Variants in WNT9B observed in about 807,000 individuals in gnomAD.
The protein encoded by WNT9B is Wnt family member 9B.
WNT9B carries 12 observed loss-of-function variants against 30.2 expected under a neutral mutation model. The ratio of observed to expected loss-of-function variants is 0.40; its 90% CI spans 0.26 to 0.64. WNT9B has a LOEUF of 0.64. WNT9B is among the 30% of genes least tolerant of loss of function. The pLI is 0.42. For missense variants in WNT9B, 442 were observed against 485.2 expected (o/e 0.91, Z 0.84); for synonymous variants, 218 against 216.9 (o/e 1.01, Z -0.05).
At chr17:46,871,472 C>T (rs1194539479) in intron 1 of WNT9B, among the ~76,000 whole-genome samples, 1 of 152,110 alleles carries the variant, frequency 6.6e-6, no homozygotes, top group African/African-American at 2.4e-5. Context: ...TTTGTTTCCT[C>T]ATCTGGACAA....
chr17:46,845,462 G>A (rs1180925443), intron 1 of WNT9B, among the ~76,000 whole-genome samples: 1 of 151,716 alleles, frequency 6.6e-6, no homozygotes, highest in Non-Finnish European at 1.5e-5. Context: ...CGACTTACAG[G>A]GACAATGGAG....
Position 46,851,638 on chromosome 17 carries a change from C to T in WNT9B, c.-1C>T. 1 of 1,275,108 alleles carries T rather than the reference C, an allele frequency of 7.8e-7. No individual in the cohort carries two copies. The highest frequency in any genetic ancestry group is 1.6e-5 in the African/African-American group (1 of 64,116). The allele number at this position is 1,275,108 out of a possible 1,614,324, so 79.0% of individuals were successfully genotyped here. ...CTAGAGGGCGCAGCGCCGCCAGCAC[C>T]ATGCGCCCCCCGCCCGCGCTGGCCC... is the stretch of plus-strand genomic sequence containing the variant. On this transcript the variant is annotated 5_prime_UTR_variant, in exon 1 of 4. Transcript: ENST00000290015. This position sits in a 1 kb window ranked among gnomAD's most constrained non-coding sequence, Gnocchi z 4.3.
intron 1 of WNT9B, among the ~76,000 whole-genome samples, chr17:46,834,188 C>G (rs1196178807): frequency 6.6e-6 from 1 of 152,096 alleles, no homozygotes; most frequent in African/African-American, 2.4e-5. Flanking sequence ...GAGTGAGACC[C>G]TGTTTCAAAA....
chr17:46,872,812 A>G (rs1348884742), intron 2 of WNT9B, 39 bp downstream of exon 2: 1 of 1,490,452 alleles, frequency 6.7e-7, no homozygotes, highest in South Asian at 1.2e-5. Context: ...GGCTGGGGGA[A>G]GAAGCCTTCA....
intron 1 of WNT9B, among the ~76,000 whole-genome samples, chr17:46,872,092 T>C (rs1231266096): frequency 6.6e-6 from 1 of 152,174 alleles, no homozygotes; most frequent in Admixed American, 6.5e-5. Flanking sequence ...CCACCAATAC[T>C]CTGTGCATTA....
Position 46,877,604 on chromosome 17 carries a change from G to A in WNT9B, c.*886G>A, listed in dbSNP as rs2085366132. ...TCTTCACTCCCAGCGCAGAGGAGGA[G>A]GGCAACAGCTTCCTGGTGCCTGGCA... On this transcript the variant is annotated 3_prime_UTR_variant, in exon 4 of 4. Coordinates refer to ENST00000290015, the MANE Select transcript of WNT9B (RefSeq NM_003396.3). 6.6e-6 allele frequency among the ~76,000 whole-genome samples: 1 copy of A among 152,154 alleles called. No homozygotes were observed.
At chr17:46,839,706 G>A (rs1325058011) in intron 1 of WNT9B, among the ~76,000 whole-genome samples, 1 of 151,946 alleles carries the variant, frequency 6.6e-6, no homozygotes, top group South Asian at 2.1e-4. Context: ...AGAGGCCCCA[G>A]TGTGTGATGT....
chr17:46,833,566 C>T (rs1313081692), intron 1 of WNT9B: 2 of 393,970 alleles, frequency 5.1e-6, no homozygotes, highest in South Asian at 1.9e-5. Flanking sequence ...AACTCAAACC[C>T]CAGTCTCCTG....
chr17:46,838,901 G>A (rs1490144908), intron 1 of WNT9B, among the ~76,000 whole-genome samples: 1 of 152,094 alleles, frequency 6.6e-6, no homozygotes, highest in Non-Finnish European at 1.5e-5. Context: ...TTTCTGAGAC[G>A]GAGTCGCACT....
At chr17:46,833,419 G>A (rs1234881170) in exon 1 of WNT9B, 1 of 517,366 alleles carries the variant, frequency 1.9e-6, no homozygotes, top group Admixed American at 1.9e-5. Context: ...AGCCTTACCA[G>A]CCCTCTAAGA....
Position 46,877,211 on chromosome 17 carries a change from C to T in WNT9B, c.*493C>T, listed in dbSNP as rs2085360230. On this transcript the variant is annotated 3_prime_UTR_variant, in exon 4 of 4. Coordinates refer to ENST00000290015, the MANE Select transcript of WNT9B (RefSeq NM_003396.3). ...CGGGTCCTGTGGCCCTGCTCAGGTG[C>T]AGTGGGCTCCAGGTGTCACACACCT... is the stretch of plus-strand genomic sequence containing the variant. 6 of 385,104 alleles carry T rather than the reference C, an allele frequency of 1.6e-5. No individual in the cohort carries two copies. Among genetic ancestry groups the T allele is most frequent in the Non-Finnish European group, 2.1e-5 (6 of 281,312 alleles). The allele number at this position is 385,104 out of a possible 1,614,324, so 23.9% of individuals were successfully genotyped here.
chr17:46,839,685 C>G (rs373056015), intron 1 of WNT9B, among the ~76,000 whole-genome samples: 5 of 152,076 alleles, frequency 3.3e-5, no homozygotes, highest in African/African-American at 4.8e-5. Flanking sequence ...CTCCCCCAGT[C>G]CCCCCCGCCA....
downstream of WNT9B, among the ~76,000 whole-genome samples, chr17:46,883,408 T>C (rs1469488182): frequency 4.0e-5 from 6 of 151,072 alleles, no homozygotes; most frequent in Non-Finnish European, 7.4e-5. Context: ...CCTCAGCCTA[T>C]AGAGTAGCTG....
In WNT9B at chr17:46,875,094, G is replaced by A. The variant is rs762778303; in HGVS notation, c.335-7G>A. ...TCCCTCCCTATGCCCCTGGGTGCCC[G>A]ATCCAGGCTTCAAAGAGACAGCTTT... On this transcript the variant is annotated splice_region_variant and splice_polypyrimidine_tract_variant and intron_variant, in intron 2 of 3. Transcript: ENST00000290015. 6 of 1,613,506 alleles carry A rather than the reference G, an allele frequency of 3.7e-6. No individual in the cohort carries two copies. Among genetic ancestry groups the A allele is most frequent in the East Asian group, 4.5e-5 (2 of 44,876 alleles).
At chr17:46,863,818 C>A (rs1000051927) in intron 1 of WNT9B, among the ~76,000 whole-genome samples, 1 of 152,112 alleles carries the variant, frequency 6.6e-6, no homozygotes, top group African/African-American at 2.4e-5. Context: ...TAGGACAGTC[C>A]TAGTGGTTCT....
chr17:46,866,119 C>T (rs1010414017), intron 1 of WNT9B, among the ~76,000 whole-genome samples: 5 of 152,042 alleles, frequency 3.3e-5, no homozygotes, highest in Admixed American at 3.3e-4. Flanking sequence ...GAGAAAGGCA[C>T]CTGGAAGGTA....
intron 1 of WNT9B, among the ~76,000 whole-genome samples, chr17:46,862,415 G>A (rs762486063): frequency 3.3e-5 from 5 of 152,024 alleles, no homozygotes; most frequent in Non-Finnish European, 7.4e-5. Context: ...ATTCTCCCTG[G>A]TTTGGGTCAG....
downstream of WNT9B, among the ~76,000 whole-genome samples, chr17:46,882,909 A>G (rs2085441802): frequency 6.6e-6 from 1 of 151,972 alleles, no homozygotes; most frequent in East Asian, 1.9e-4. Flanking sequence ...TCCACCCCAC[A>G]CAGGCATTCC....
chr17:46,865,274 A>G (rs1317998567), intron 1 of WNT9B, among the ~76,000 whole-genome samples: 2 of 152,214 alleles, frequency 1.3e-5, no homozygotes, highest in East Asian at 1.9e-4. Context: ...CTCACTACCC[A>G]CTTAGCCCCT....
Sources: allele counts gnomAD v4.1 joint callset (sites outside exome capture counted in the v4.1 genomes callset), GRCh38; gene constraint gnomAD v4.1.1; non-coding constraint Gnocchi (gnomAD v3.1); transcripts MANE v1.5; gene names NCBI Gene and HGNC (gene_info 2026-07-23, HGNC 2026-07-21).